Variants in SYNM observed in about 807,000 individuals in gnomAD.
The protein encoded by SYNM is desmuslin.
A neutral mutation model predicts 104.0 loss-of-function variants in SYNM; 95 were observed. The ratio of observed to expected loss-of-function variants is 0.91; its 90% CI spans 0.77 to 1.08. The LOEUF (loss-of-function observed/expected upper bound fraction) is 1.08, where lower values mean the gene tolerates loss of function less well. SYNM is among the 50% of genes least tolerant of loss of function. SYNM has a pLI of 0.00. For synonymous variants in SYNM, 918 were observed against 869.0 expected (o/e 1.06, Z -0.99); for missense variants, 2,150 against 2,052.2 (o/e 1.05, Z -0.92).
Position 99,132,953 on chromosome 15 carries a change from G to T in SYNM, c.4593G>T (p.Gln1531His). Reference sequence around the variant, plus strand: ...AGGCCATGTTTGATAAGAAGGTGCAGCTCCAGAGAATGGTAGACCAAAGGT... The same window carrying T: ...AGGCCATGTTTGATAAGAAGGTGCATCTCCAGAGAATGGTAGACCAAAGGT... ...KEQAMFDKKV[Q>H]LQRMVDQRSV... Residue 1531 changes from glutamine to histidine, a missense_variant, in exon 4 of 4, where the codon CAG becomes CAT. Physicochemically the swap from Gln to His is conservative, Grantham distance 24. Transcript: ENST00000336292. The T allele has an allele frequency of 1.2e-6, 2 of 1,613,880 alleles. No homozygotes were observed. The highest frequency in any genetic ancestry group is 1.7e-6 in the Non-Finnish European group (2 of 1,179,880).
downstream of SYNM, among the ~76,000 whole-genome samples, chr15:99,138,652 A>G (rs2067838015): frequency 6.6e-6 from 1 of 152,224 alleles, no homozygotes; most frequent in African/African-American, 2.4e-5. Flanking sequence ...ATCCTCACTG[A>G]GCTGAGGCCC....
In SYNM at chr15:99,129,471, A is replaced by G. The variant is rs782224745; in HGVS notation, c.1111A>G (p.Ser371Gly). 5 of 1,614,010 alleles carry G rather than the reference A, an allele frequency of 3.1e-6. No individual in the cohort carries two copies. The South Asian group carries it at 4.4e-5, about 14-fold the overall frequency. Residue 371 changes from serine to glycine, a missense_variant, in exon 4 of 4, where the codon AGC (serine) becomes GGC (glycine). Coordinates refer to ENST00000336292, the MANE Select transcript of SYNM (RefSeq NM_145728.3). ...QKAPLASFNH[S>G]SALYSNLSGH... ...AGCACCTTTGGCAAGTTTCAATCACAGCTCGGCACTGTATTCTAACCTGTC... is the reference window on the plus strand; with the variant it reads ...AGCACCTTTGGCAAGTTTCAATCACGGCTCGGCACTGTATTCTAACCTGTC...
chr15:99,126,866 C>A, intron 3 of SYNM, 74 bp downstream of exon 3: 2 of 1,347,682 alleles, frequency 1.5e-6, no homozygotes, highest in Non-Finnish European at 2.0e-6. Flanking sequence ...TAGTAAAGCA[C>A]CATCATCGGG....
rs370355485 is a variant in SYNM, at chr15:99,130,007, G to A, written c.1647G>A (p.Ala549=). 5.5e-5 allele frequency: 89 copies of A among 1,613,378 alleles called. No homozygotes were observed. In the African/African-American group the frequency reaches 1.0e-3, roughly 18 times the overall value. The change falls in exon 4 of 4, where the codon GCG becomes GCA. Residue 549 remains alanine, a synonymous_variant. Coordinates refer to ENST00000336292, the MANE Select transcript of SYNM (RefSeq NM_145728.3). ...AATTGACAAAGTTAGATAAGGAAGC[G>A]AGACAGAGAGAAAGCCAGCAGATGA... ...WEELTKLDKE[A]RQRESQQMKE... is the part of the protein sequence containing the mutation.
chr15:99,138,157 T>C (rs781972668), downstream of SYNM: 1 of 1,609,862 alleles, frequency 6.2e-7, no homozygotes, highest in South Asian at 1.1e-5. Context: ...GGGGTGAGTG[T>C]GGTGCCCCTC....
rs3743248 is a variant in SYNM, at chr15:99,130,784, T to C, written c.2424T>C (p.Pro808=). ...SVNQHRRTKQ[P]QENTTHVEEV... Reference sequence around the variant, plus strand: ...ATCAGCATCGAAGGACCAAGCAGCCTCAGGAGAACACGACTCACGTGGAAG... The same window carrying C: ...ATCAGCATCGAAGGACCAAGCAGCCCCAGGAGAACACGACTCACGTGGAAG... The change falls in exon 4 of 4, where the codon CCT becomes CCC. Residue 808 remains proline (P), a synonymous_variant. Transcript: ENST00000336292. 1,209,611 of 1,613,682 alleles carry C rather than the reference T, an allele frequency of 0.75. 455,011 individuals are homozygous for C. The highest frequency in any genetic ancestry group is 0.93 in the African/African-American group (69,519 of 74,952).
rs782073123 is a variant in SYNM, at chr15:99,132,508, A to T, written c.4148A>T (p.Asp1383Val). 4.3e-6 allele frequency: 7 copies of T among 1,614,032 alleles called. No individual in the cohort carries two copies. The Admixed American group carries it at 1.2e-4, about 27-fold the overall frequency. ...QSVVSESPQE[D>V]SAEDTSGAEM... is the part of the protein sequence containing the mutation. ...GTCGTTTCTGAATCTCCCCAGGAGG[A>T]TAGTGCAGAGGACACATCAGGGGCA... Residue 1383 changes from aspartate (D) to valine (V), a missense_variant, in exon 4 of 4, where the codon GAT (aspartate) becomes GTT (valine). Physicochemically the swap from Asp to Val is radical, Grantham distance 152 (BLOSUM62 -3). Transcript: ENST00000336292.
At chr15:99,108,425 T>A (rs1555483070) in intron 1 of SYNM, among the ~76,000 whole-genome samples, 1 of 152,178 alleles carries the variant, frequency 6.6e-6, no homozygotes, top group East Asian at 1.9e-4. Flanking sequence ...ATCACAGAGA[T>A]GCTAGGAAGT....
chr15:99,137,267 C>T (rs1328335011), downstream of SYNM: 1 of 152,334 alleles, frequency 6.6e-6, no homozygotes, highest in Non-Finnish European at 1.5e-5. Flanking sequence ...AGTGTGCCAA[C>T]TCAGGAAGCA....
chr15:99,107,572 T>A (rs2067258272), intron 1 of SYNM, among the ~76,000 whole-genome samples: 1 of 152,208 alleles, frequency 6.6e-6, no homozygotes, highest in Non-Finnish European at 1.5e-5. Flanking sequence ...CACAGCTCAC[T>A]TGGCACATTT....
Position 99,129,391 on chromosome 15 carries a change from A to G in SYNM, c.1031A>G (p.Tyr344Cys), listed in dbSNP as rs1395840395. The change falls in exon 4 of 4, where the codon TAT (tyrosine) becomes TGT (cysteine). Residue 344 changes from tyrosine to cysteine, a missense_variant. Transcript: ENST00000336292. Reference protein sequence around the residue: ...PSEFRNKSYHYTDSLLQRENE... With the variant: ...PSEFRNKSYHCTDSLLQRENE... ...GAATTCAGAAACAAATCCTATCACT[A>G]TACCGACTCACTACTACAGAGGGAA... is the stretch of plus-strand genomic sequence containing the variant. 6.2e-7 allele frequency: 1 copy of G among 1,613,824 alleles called. No homozygotes were observed. The highest frequency in any genetic ancestry group is 8.5e-7 in the Non-Finnish European group (1 of 1,179,888).
rs1555485680 is a variant in SYNM, at chr15:99,130,816, CAG to C, written c.2459_2460del (p.Glu820GlyfsTer3). ...AACACGACTCACGTGGAAGAAGTGA[CAG>C]AGGCAGGTGATTCAGAGGGCGAGCA... On this transcript the variant is annotated frameshift_variant, in exon 4 of 4. Coordinates refer to ENST00000336292, the MANE Select transcript of SYNM (RefSeq NM_145728.3). LOFTEE classifies it high-confidence loss of function. 1.9e-6 allele frequency: 3 copies of C among 1,614,000 alleles called. No individual in the cohort carries two copies. The highest frequency in any genetic ancestry group is 1.3e-5 in the African/African-American group (1 of 75,044).
chr15:99,124,102 A>G (rs1670230), intron 2 of SYNM, among the ~76,000 whole-genome samples: 126,405 of 152,280 alleles, frequency 0.83, 52,955 homozygotes, highest in African/African-American at 0.95. Context: ...ACAATAGCCC[A>G]TGACTCAGGG....
At position 99,105,096 on chromosome 15, in the gene SYNM, G is replaced by T. The variant is rs1555482278; in HGVS notation, c.-104G>T. On this transcript the variant is annotated 5_prime_UTR_variant, in exon 1 of 4. Transcript: ENST00000336292. Reference sequence around the variant, plus strand: ...TCGCGTCCCAGTCTGCGGGCCTCCGGGGCAGCGGCGAGGCCGGAGCGTCGC... The same window carrying T: ...TCGCGTCCCAGTCTGCGGGCCTCCGTGGCAGCGGCGAGGCCGGAGCGTCGC... The T allele has an allele frequency of 3.0e-6, 4 of 1,345,846 alleles. No individual in the cohort carries two copies. The African/African-American group carries it at 6.1e-5, about 20-fold the overall frequency. The allele number at this position is 1,345,846 out of a possible 1,614,324, so 83.4% of individuals were successfully genotyped here.
intron 1 of SYNM, among the ~76,000 whole-genome samples, chr15:99,112,955 C>T (rs1406329907): frequency 6.6e-6 from 1 of 152,220 alleles, no homozygotes; most frequent in Non-Finnish European, 1.5e-5. Flanking sequence ...AAGTGATCCG[C>T]CCGCTTCGGC....
intron 2 of SYNM, among the ~76,000 whole-genome samples, chr15:99,125,949 T>A (rs1182207372): frequency 6.6e-6 from 1 of 152,154 alleles, no homozygotes; most frequent in African/African-American, 2.4e-5. Flanking sequence ...GCAGTAGACG[T>A]GAACAACCTA....
In SYNM at chr15:99,130,961, T is replaced by C. The variant is rs150108793; in HGVS notation, c.2601T>C (p.Asp867=). 8.9e-4 allele frequency: 1,434 copies of C among 1,613,516 alleles called. 9 individuals carry two copies. The African/African-American group carries it at 0.016, about 18-fold the overall frequency. ...CCACCATCAGGTACTCTTGGCAGGA[T>C]GAAATCGTGCAGGGGACTCGAAGGA... ...EESTIRYSWQ[D]EIVQGTRRRT... The change falls in exon 4 of 4, where the codon GAT becomes GAC. Residue 867 remains aspartate, a synonymous_variant. Coordinates refer to ENST00000336292, the MANE Select transcript of SYNM (RefSeq NM_145728.3).
rs781909336 is a variant in SYNM at position 99,132,519 on chromosome 15, G to T, written c.4159G>T (p.Asp1387Tyr). The T allele has an allele frequency of 1.2e-6, 2 of 1,614,036 alleles. No homozygotes were observed. Among genetic ancestry groups the T allele is most frequent in the East Asian group, 4.5e-5 (2 of 44,884 alleles). ...SESPQEDSAE[D>Y]TSGAEMTSGV... ...ATCTCCCCAGGAGGATAGTGCAGAG[G>T]ACACATCAGGGGCAGAAATGACATC... The change falls in exon 4 of 4, where the codon GAC (aspartate) becomes TAC (tyrosine). Residue 1387 changes from aspartate to tyrosine, a missense_variant. Asp to Tyr is a radical substitution (Grantham distance 160, BLOSUM62 -3). Transcript: ENST00000336292.
At position 99,132,332 on chromosome 15, in the gene SYNM, A is replaced by G. The variant is rs1555486101; in HGVS notation, c.3972A>G (p.Ile1324Met). 8.1e-6 allele frequency: 13 copies of G among 1,613,022 alleles called. No individual in the cohort carries two copies. Among genetic ancestry groups the G allele is most frequent in the African/African-American group, 5.3e-5 (4 of 74,906 alleles). The change falls in exon 4 of 4, where the codon ATA (isoleucine) becomes ATG (methionine). Residue 1324 changes from isoleucine to methionine, a missense_variant. Transcript: ENST00000336292. The part of the protein sequence containing the change: ...GPQRHQTTQQ[I>M]VYHGLVPQLG... ...AGAGGCATCAGACCACCCAGCAGAT[A>G]GTTTACCATGGGCTGGTTCCCCAAC...
Sources: allele counts gnomAD v4.1 joint callset (sites outside exome capture counted in the v4.1 genomes callset), GRCh38; gene constraint gnomAD v4.1.1; transcripts MANE v1.5; gene names NCBI Gene and HGNC (gene_info 2026-07-23, HGNC 2026-07-21).